The following CPN2 variants were observed in gnomAD, a reference collection of about 807,000 sequenced individuals.
CPN2 encodes carboxypeptidase N 83 kDa chain.
For synonymous variants in CPN2, 336 were observed against 318.4 expected, an observed-to-expected ratio of 1.06 and a Z score of -0.59; for missense variants, 620 against 671.4, an observed-to-expected ratio of 0.92 and a Z score of 0.85.
intron 1 of CPN2, among the ~76,000 whole-genome samples, chr3:194,350,072 G>A (rs1972456): frequency 0.37 from 56,757 of 151,844 alleles, 10,997 homozygotes; most frequent in East Asian, 0.69. Context: ...AAAGTGCTGG[G>A]ATTACAGGCG....
chr3:194,342,482 T>C lies in CPN2; in HGVS notation c.221A>G (p.Asn74Ser). 1 of 1,614,118 alleles carries C rather than the reference T, an allele frequency of 6.2e-7. No individual in the cohort carries two copies. The highest frequency in any genetic ancestry group is 1.1e-5 in the South Asian group (1 of 91,080). Reference protein sequence around the residue: ...LETRAFGSNPNLTKVVFLNTQ... With the variant: ...LETRAFGSNPSLTKVVFLNTQ... ...GTTGAGGAAGACCACCTTGGTCAAGTTGGGGTTACTGCCAAAAGCTCTGGT... is the reference window on the plus strand; with the variant it reads ...GTTGAGGAAGACCACCTTGGTCAAGCTGGGGTTACTGCCAAAAGCTCTGGT... Residue 74 changes from asparagine to serine, a missense_variant, in exon 2 of 2, where the codon AAC (asparagine) becomes AGC (serine). By Grantham distance (46) the Asn-to-Ser change is conservative. Coordinates refer to ENST00000323830, the MANE Select transcript of CPN2 (RefSeq NM_001080513.4).
At chr3:194,343,293 A>C (rs1200788873) in intron 1 of CPN2, among the ~76,000 whole-genome samples, 1 of 152,144 alleles carries the variant, frequency 6.6e-6, no homozygotes, top group Non-Finnish European at 1.5e-5. Flanking sequence ...ATTCTCTAAA[A>C]TTCTTTAGAT....
At chr3:194,343,123 G>A (rs565298860) in intron 1 of CPN2, among the ~76,000 whole-genome samples, 1 of 152,224 alleles carries the variant, frequency 6.6e-6, no homozygotes, top group East Asian at 1.9e-4. Context: ...CCACAGAGAT[G>A]AGATGGCTCC....
chr3:194,343,225 CAT>C (rs1576989670), intron 1 of CPN2, among the ~76,000 whole-genome samples: 1 of 152,184 alleles, frequency 6.6e-6, no homozygotes, highest in Non-Finnish European at 1.5e-5. Context: ...TTTCCAACGT[CAT>C]GTGGACAGAA....
Position 194,342,575 on chromosome 3 carries a change from A to G in CPN2, c.128T>C (p.Val43Ala), listed in dbSNP as rs1576989279. The G allele has an allele frequency of 6.2e-7, 1 of 1,614,070 alleles. No individual in the cohort carries two copies. The highest frequency in any genetic ancestry group is 1.1e-5 in the South Asian group (1 of 91,080). The part of the protein sequence containing the change: ...VFCSDEELAT[V>A]PLDIPPYTKN... ...CGTATATGGCGGGATGTCCAGTGGGACGGTGGCAAGCTCCTCATCTGAGCA... is the reference window on the plus strand; with the variant it reads ...CGTATATGGCGGGATGTCCAGTGGGGCGGTGGCAAGCTCCTCATCTGAGCA... Residue 43 changes from valine to alanine, a missense_variant, in exon 2 of 2, where the codon GTC becomes GCC. Val to Ala is a moderately conservative substitution (Grantham distance 64). Coordinates refer to ENST00000323830, the MANE Select transcript of CPN2 (RefSeq NM_001080513.4).
At chr3:194,346,917 A>G (rs910922941) in intron 1 of CPN2, among the ~76,000 whole-genome samples, 23 of 152,306 alleles carry the variant, frequency 1.5e-4, no homozygotes, top group African/African-American at 5.3e-4. Context: ...CCTCCAGCCA[A>G]GGGAAAGAGC....
rs1712847196 is a variant in CPN2, at chr3:194,341,919, C to T, written c.784G>A (p.Ala262Thr). The change falls in exon 2 of 2, where the codon GCC (alanine) becomes ACC (threonine). Residue 262 changes from alanine to threonine, a missense_variant. Transcript: ENST00000323830. ...AGAAAGGTCAGATTACCCAGGGAGG[C>T]AAAGATGGAGAGCGGCAGGTGCGTG... ...AITHLPLSIF[A>T]SLGNLTFLSL... 4 of 1,614,168 alleles carry T rather than the reference C, an allele frequency of 2.5e-6. No homozygotes were observed. Among genetic ancestry groups the T allele is most frequent in the Non-Finnish European group, 3.4e-6 (4 of 1,180,032 alleles).
rs1341796466 is a variant in CPN2, at chr3:194,342,552, T to C, written c.151A>G (p.Thr51Ala). ...GTCTCCACAAAGATGATGTTTTTCG[T>C]ATATGGCGGGATGTCCAGTGGGACG... ...ATVPLDIPPY[T>A]KNIIFVETSF... Residue 51 changes from threonine (T) to alanine (A), a missense_variant, in exon 2 of 2, where the codon ACG (threonine) becomes GCG (alanine). Transcript: ENST00000323830. The C allele has an allele frequency of 1.9e-6, 3 of 1,614,034 alleles. No homozygotes were observed. Among genetic ancestry groups the C allele is most frequent in the African/African-American group, 2.7e-5 (2 of 74,908 alleles).
chr3:194,348,552 A>G (rs1713143270), intron 1 of CPN2, among the ~76,000 whole-genome samples: 1 of 152,230 alleles, frequency 6.6e-6, no homozygotes, highest in Non-Finnish European at 1.5e-5. Context: ...GGTTACATGA[A>G]TCATGCTACT....
In CPN2 at chr3:194,341,856, C is replaced by T. The variant is rs200132751; in HGVS notation, c.847G>A (p.Gly283Ser). Residue 283 changes from glycine (G) to serine (S), a missense_variant, in exon 2 of 2, where the codon GGC (glycine) becomes AGC (serine). By Grantham distance (56) the Gly-to-Ser change is moderately conservative. Transcript: ENST00000323830. ...AGGCACGGGGTGTGGGCAAAGAGGC[C>T]GGCAGGCAGGACCCGAAGCATGTTC... ...QWNMLRVLPA[G>S]LFAHTPCLVG... 1.1e-5 allele frequency: 18 copies of T among 1,614,014 alleles called. No homozygotes were observed. The highest frequency in any genetic ancestry group is 2.2e-5 in the East Asian group (1 of 44,884).
At position 194,339,816 on chromosome 3, in the gene CPN2, G is replaced by A. The variant is rs1350526873; in HGVS notation, c.*1249C>T. The A allele has an allele frequency of 3.9e-5, 6 of 152,222 alleles. No individual in the cohort carries two copies. Among genetic ancestry groups the A allele is most frequent in the South Asian group, 2.1e-4 (1 of 4,834 alleles). The allele number at this position is 152,222 out of a possible 1,614,324, so 9.4% of individuals were successfully genotyped here. On this transcript the variant is annotated 3_prime_UTR_variant, in exon 2 of 2. Transcript: ENST00000323830. ...AGCCAAATATGAGTGGCCATGGCCC[G>A]TGACACAGACCTCAGGAGGGCCTGG...
intron 1 of CPN2, among the ~76,000 whole-genome samples, chr3:194,346,675 T>C (rs79764054): frequency 0.042 from 6,344 of 152,242 alleles, 375 homozygotes; most frequent in African/African-American, 0.14. Context: ...ACTACCTTCC[T>C]GATGAGGATG....
At chr3:194,346,877 G>A (rs1429596631) in intron 1 of CPN2, among the ~76,000 whole-genome samples, 1 of 152,150 alleles carries the variant, frequency 6.6e-6, no homozygotes, top group East Asian at 1.9e-4. Flanking sequence ...CCAATGAGAC[G>A]CCTCTCCACA....
chr3:194,350,008 G>A (rs1287829039), intron 1 of CPN2, among the ~76,000 whole-genome samples: 1 of 151,794 alleles, frequency 6.6e-6, no homozygotes, highest in African/African-American at 2.4e-5. Flanking sequence ...CACTGTGTTG[G>A]CCAGGCTGGT....
At chr3:194,344,608 T>C (rs1206355969) in intron 1 of CPN2, among the ~76,000 whole-genome samples, 1 of 152,116 alleles carries the variant, frequency 6.6e-6, no homozygotes, top group Non-Finnish European at 1.5e-5. Flanking sequence ...GGCAGGAGAA[T>C]CGCTTGAACC....
In CPN2 at chr3:194,341,330, C is replaced by T. The variant is rs1452709880; in HGVS notation, c.1373G>A (p.Trp458Ter). 1.2e-6 allele frequency: 2 copies of T among 1,613,774 alleles called. No homozygotes were observed. The highest frequency in any genetic ancestry group is 2.2e-5 in the East Asian group (1 of 44,890). ...GCCCCCTGCCTTGCTTTCGTCCGGC[C>T]ACGTGACCTGGAAGCCCAAGTGGTC... ...TRDHLGFQVT[W>*]PDESKAGGSW... The change falls in exon 2 of 2, where the codon TGG becomes TAG. Residue 458 changes from tryptophan (W) to a stop codon, truncating the protein, a stop_gained. Transcript: ENST00000323830. LOFTEE classifies it low-confidence loss of function (END_TRUNC).
At chr3:194,350,759 G>A (rs969481542) in intron 1 of CPN2, among the ~76,000 whole-genome samples, 3 of 152,080 alleles carry the variant, frequency 2.0e-5, no homozygotes, top group Non-Finnish European at 4.4e-5. Context: ...AGCAGGCTGA[G>A]TGGGAGGATC....
In CPN2 at chr3:194,342,003, G is replaced by A. The variant is rs551970277; in HGVS notation, c.700C>T (p.Pro234Ser). The A allele has an allele frequency of 1.2e-6, 2 of 1,614,182 alleles. No individual in the cohort carries two copies. The highest frequency in any genetic ancestry group is 3.3e-5 in the Admixed American group (2 of 60,024). The stretch of plus-strand genomic sequence containing the variant: ...CAGAAGAGCTGGGAGAACACCTGAG[G>A]GGGCAGCTCCGAGATGTTGTTGCTG... ...LDSNNISELP[P>S]QVFSQLFCLE... The change falls in exon 2 of 2, where the codon CCT becomes TCT. Residue 234 changes from proline (P) to serine (S), a missense_variant. By Grantham distance (74) the Pro-to-Ser change is moderately conservative. Transcript: ENST00000323830.
At position 194,349,773 on chromosome 3, in the gene CPN2, C is replaced by T. The variant is rs868858187; in HGVS notation, c.-4+1469G>A. Among the ~76,000 whole-genome samples the T allele has an allele frequency of 1.0e-3, 120 of 120,472 alleles. 6 individuals carry two copies. The highest frequency in any genetic ancestry group is 4.2e-3 in the African/African-American group (116 of 27,522). The allele number at this position is 120,472 out of a possible 152,430, so 79.0% of individuals were successfully genotyped here. A position where few individuals can be genotyped will look rare whatever the true frequency, so the allele number is the denominator to read the frequency against. On this transcript the variant is annotated intron_variant, in intron 1 of 1. Transcript: ENST00000323830. ...CCCCCATGAAGCCTTCCTGACTACC[C>T]TCTTCTTTTTTTTTTTTTTTTTTTT...
Sources: allele counts gnomAD v4.1 joint callset (sites outside exome capture counted in the v4.1 genomes callset), GRCh38; gene constraint gnomAD v4.1.1; transcripts MANE v1.5; gene names NCBI Gene and HGNC (gene_info 2026-07-23, HGNC 2026-07-21).